Variants in VPS35L observed in about 807,000 individuals in gnomAD.
The protein encoded by VPS35L is VPS35 endosomal protein sorting factor like, also known as VPS35 endosomal protein-sorting factor-like.
VPS35L carries 83 observed loss-of-function variants against 133.0 expected under a neutral mutation model. The observed-to-expected ratio is 0.62, with a 90% CI of 0.52 to 0.75. The LOEUF (loss-of-function observed/expected upper bound fraction) is 0.75. Among genes scored for constraint, VPS35L ranks in the 30% least tolerant of loss-of-function variants. The pLI is 0.00. For missense variants in VPS35L, 1,083 were observed against 1,206.8 expected, an observed-to-expected ratio of 0.90 and a Z score of 1.52; for synonymous variants, 423 against 449.9, an observed-to-expected ratio of 0.94 and a Z score of 0.76.
intron 30 of VPS35L, 66 bp from the exon 31 acceptor site, chr16:19,700,312 C>A: frequency 7.1e-7 from 1 of 1,399,890 alleles, no homozygotes; most frequent in South Asian, 1.2e-5. Context: ...ATGGCTGATT[C>A]ATTAGAGCCT....
At chr16:19,558,659 G>C (rs900963337) in intron 1 of VPS35L, among the ~76,000 whole-genome samples, 6 of 152,112 alleles carry the variant, frequency 3.9e-5, no homozygotes, top group African/African-American at 1.4e-4. Flanking sequence ...GGTGGTTCAT[G>C]CCTCTAATCC....
At chr16:19,689,716 G>C (rs903208440) in intron 28 of VPS35L, among the ~76,000 whole-genome samples, 1 of 152,016 alleles carries the variant, frequency 6.6e-6, no homozygotes, top group African/African-American at 2.4e-5. Context: ...TCCCACCCAG[G>C]ATATCCATCA....
At chr16:19,557,867 C>T (rs887912287) in intron 1 of VPS35L, among the ~76,000 whole-genome samples, 4 of 151,988 alleles carry the variant, frequency 2.6e-5, no homozygotes, top group African/African-American at 7.2e-5. Flanking sequence ...GCCTGCCCAA[C>T]GTGGTGAAAG....
At chr16:19,560,027 TC>T (rs1161178626) in intron 1 of VPS35L, among the ~76,000 whole-genome samples, 18 of 151,904 alleles carry the variant, frequency 1.2e-4, no homozygotes, top group Non-Finnish European at 1.3e-4. Flanking sequence ...TTCACCACCA[TC>T]CCCCTTTTTA....
chr16:19,570,889 A>ATTTTTTTTTTTTTTTTTTT (rs1489865417), intron 3 of VPS35L, among the ~76,000 whole-genome samples: 2 of 91,852 alleles, frequency 2.2e-5, no homozygotes, highest in African/African-American at 4.7e-5. Context: ...ATATATATAT[A>ATTTTTTTTTTTTTTTTTTT]TTTTTGAGAT....
chr16:19,595,436 C>T lies in VPS35L; in HGVS notation c.724+3562C>T, dbSNP rs61423181. ...GTCCATGCACACAGCTTACCTTCGG[C>T]GAGTGTGAGGCCCTCATTGGTGGGG... On this transcript the variant is annotated intron_variant, in intron 8 of 30. Coordinates refer to ENST00000417362, the MANE Select transcript of VPS35L (RefSeq NM_020314.7). Among the ~76,000 whole-genome samples, 333 of 152,196 alleles carry T rather than the reference C, an allele frequency of 2.2e-3. 1 individual carries two copies. Among genetic ancestry groups the T allele is most frequent in the African/African-American group, 7.3e-3 (302 of 41,514 alleles).
At chr16:19,641,963 AC>A (rs1973801989) in intron 21 of VPS35L, among the ~76,000 whole-genome samples, 1 of 152,218 alleles carries the variant, frequency 6.6e-6, no homozygotes, top group Non-Finnish European at 1.5e-5. Context: ...TAATCCCAAT[AC>A]TTTGGGAGGC....
intron 23 of VPS35L, among the ~76,000 whole-genome samples, chr16:19,647,349 C>G (rs923033617): frequency 6.6e-6 from 1 of 152,182 alleles, no homozygotes; most frequent in Admixed American, 6.5e-5. Flanking sequence ...GTTTTTCTTA[C>G]TAACCAGCTA....
intron 23 of VPS35L, 53 bp from the exon 24 acceptor site, chr16:19,647,731 G>A (rs1317532770): frequency 1.4e-5 from 20 of 1,402,486 alleles, no homozygotes; most frequent in Admixed American, 1.0e-4. Context: ...ATGTGCCTGC[G>A]TTCTCTCTAA....
intron 6 of VPS35L, among the ~76,000 whole-genome samples, chr16:19,580,125 A>G (rs568632237): frequency 1.3e-5 from 2 of 151,820 alleles, no homozygotes; most frequent in Admixed American, 1.3e-4. Context: ...GCTTGAACCC[A>G]AGAGATGGAG....
intron 6 of VPS35L, 89 bp downstream of exon 6, chr16:19,579,217 T>A (rs1400270538): frequency 2.5e-6 from 3 of 1,208,650 alleles, no homozygotes; most frequent in Non-Finnish European, 3.6e-6. Flanking sequence ...TGCTCTTTGA[T>A]TAATTCCTGG....
chr16:19,572,439 G>A (rs1028410312), intron 3 of VPS35L, among the ~76,000 whole-genome samples: 69 of 152,084 alleles, frequency 4.5e-4, no homozygotes, highest in African/African-American at 1.6e-3. Flanking sequence ...AAGGCAATGT[G>A]TATTTAAGGT....
intron 5 of VPS35L, chr16:19,578,256 C>T (rs1971595141): frequency 2.2e-6 from 1 of 448,226 alleles, no homozygotes; most frequent in South Asian, 1.6e-5. Flanking sequence ...TTCTGCAGCT[C>T]GACCCTAAGT....
intron 27 of VPS35L, among the ~76,000 whole-genome samples, chr16:19,681,243 T>TG (rs11397713): frequency 0.39 from 59,561 of 152,004 alleles, 12,193 homozygotes; most frequent in African/African-American, 0.5. Flanking sequence ...GGCAGCAGCA[T>TG]ATGCAGGGCA....
chr16:19,644,984 A>C, intron 23 of VPS35L, 35 bp downstream of exon 23: 1 of 1,407,494 alleles, frequency 7.1e-7, no homozygotes, highest in Non-Finnish European at 1.0e-6. Flanking sequence ...GTGCACTTGG[A>C]AGTGTGATGT....
chr16:19,672,874 G>A lies in VPS35L; in HGVS notation c.2361+3575G>A, dbSNP rs767779551. On this transcript the variant is annotated intron_variant, in intron 27 of 30. Transcript: ENST00000417362. ...GAGAAGGCAAAAGAAAAAAATCAGGGTTTTGAATTAAGCAGTTGGTAAAAG... is the reference window on the plus strand; with the variant it reads ...GAGAAGGCAAAAGAAAAAAATCAGGATTTTGAATTAAGCAGTTGGTAAAAG... Among the ~76,000 whole-genome samples the A allele has an allele frequency of 7.2e-5, 11 of 152,172 alleles. No individual in the cohort carries two copies. In the East Asian group the frequency reaches 2.1e-3, roughly 29 times the overall value.
At chr16:19,621,082 A>C (rs1597368758) in intron 14 of VPS35L, among the ~76,000 whole-genome samples, 1 of 152,364 alleles carries the variant, frequency 6.6e-6, no homozygotes, top group East Asian at 1.9e-4. Context: ...ATGGATTAAA[A>C]GAGTGAGGTA....
intron 24 of VPS35L, among the ~76,000 whole-genome samples, chr16:19,648,225 A>T (rs543484387): frequency 2.0e-4 from 30 of 152,232 alleles, no homozygotes; most frequent in Admixed American, 1.6e-3. Context: ...TTGGCCTCCC[A>T]AAATGCTGGG....
Position 19,660,925 on chromosome 16 carries a change from C to T in VPS35L, c.2222-8235C>T, listed in dbSNP as rs577610128. Among the ~76,000 whole-genome samples the T allele has an allele frequency of 1.9e-3, 288 of 152,238 alleles. 23 individuals carry two copies. Among genetic ancestry groups the T allele is most frequent in the South Asian group, 1.7e-3 (8 of 4,828 alleles). On this transcript the variant is annotated intron_variant, in intron 26 of 30. Transcript: ENST00000417362. ...AATAATATGCTGTATCTCCCCACCC[C>T]ACCCCCAAATCTGCTGTTGTTAACA...
Sources: allele counts gnomAD v4.1 joint callset (sites outside exome capture counted in the v4.1 genomes callset), GRCh38; gene constraint gnomAD v4.1.1; transcripts MANE v1.5; gene names NCBI Gene and HGNC (gene_info 2026-07-23, HGNC 2026-07-21).